The following PIP4P2 variants were observed in gnomAD, a reference collection of about 807,000 sequenced individuals.
The protein encoded by PIP4P2 is phosphatidylinositol-4,5-bisphosphate 4-phosphatase 2, also known as type 2 phosphatidylinositol 4,5-bisphosphate 4-phosphatase.
In PIP4P2, 19 loss-of-function variants were observed where a neutral mutation model predicts 33.3. The observed-to-expected ratio is 0.57, with a 90% CI of 0.40 to 0.84. PIP4P2 has a LOEUF of 0.84. Among genes scored for constraint, PIP4P2 ranks in the 40% least tolerant of loss-of-function variants. The pLI, the probability that PIP4P2 is intolerant of heterozygous loss-of-function variation, is 0.00. For missense variants in PIP4P2, 270 were observed against 324.7 expected (o/e 0.83, Z 1.29); for synonymous variants, 110 against 111.9 (o/e 0.98, Z 0.11).
At chr8:91,034,550 C>A (rs537198704) in intron 1 of PIP4P2, among the ~76,000 whole-genome samples, 6 of 152,298 alleles carry the variant, frequency 3.9e-5, no homozygotes, top group African/African-American at 1.4e-4. Flanking sequence ...ATTAGCATAG[C>A]ACAATAGGCT....
intron 1 of PIP4P2, among the ~76,000 whole-genome samples, chr8:91,036,525 C>CA (rs1812234241): frequency 6.6e-6 from 1 of 152,036 alleles, no homozygotes; most frequent in African/African-American, 2.4e-5. Flanking sequence ...CTGTTCAATC[C>CA]ACCTCCTTAA....
chr8:91,026,668 G>A (rs1812087820), intron 1 of PIP4P2, among the ~76,000 whole-genome samples: 1 of 151,978 alleles, frequency 6.6e-6, no homozygotes, highest in Non-Finnish European at 1.5e-5. Flanking sequence ...TCCATTTTGT[G>A]GTTTCTATCT....
intron 5 of PIP4P2, among the ~76,000 whole-genome samples, chr8:90,997,937 T>A (rs1811650625): frequency 6.6e-6 from 1 of 152,116 alleles, no homozygotes; most frequent in Admixed American, 6.6e-5. Flanking sequence ...ATATACATCG[T>A]AAATTTTCCT....
intron 1 of PIP4P2, among the ~76,000 whole-genome samples, chr8:91,033,450 AC>A (rs893260528): frequency 6.6e-6 from 1 of 151,988 alleles, no homozygotes; most frequent in Non-Finnish European, 1.5e-5. Context: ...CCTGACACCA[AC>A]CACACCTCAG....
intron 4 of PIP4P2, among the ~76,000 whole-genome samples, chr8:91,011,511 G>A (rs1176535116): frequency 6.6e-6 from 1 of 152,028 alleles, no homozygotes; most frequent in Admixed American, 6.6e-5. Context: ...GGTAAAAAAT[G>A]TTTGGACATA....
At chr8:91,002,320 T>A (rs1031795547) in intron 5 of PIP4P2, among the ~76,000 whole-genome samples, 11 of 152,158 alleles carry the variant, frequency 7.2e-5, no homozygotes, top group African/African-American at 2.7e-4. Flanking sequence ...CAAGGGCATA[T>A]ACAAAAATGT....
At chr8:91,037,207 A>G (rs1360662793) in intron 1 of PIP4P2, among the ~76,000 whole-genome samples, 2 of 152,156 alleles carry the variant, frequency 1.3e-5, no homozygotes, top group African/African-American at 2.4e-5. Context: ...GGGGAAAGAG[A>G]GTCTTCGGAG....
chr8:91,022,733 C>T (rs1454227357), intron 1 of PIP4P2, among the ~76,000 whole-genome samples: 1 of 152,128 alleles, frequency 6.6e-6, no homozygotes, highest in Non-Finnish European at 1.5e-5. Flanking sequence ...GTTTAAAATA[C>T]ACATATTTCT....
chr8:91,004,186 G>T (rs1211973297), intron 5 of PIP4P2, among the ~76,000 whole-genome samples: 1 of 152,174 alleles, frequency 6.6e-6, no homozygotes, highest in Non-Finnish European at 1.5e-5. Context: ...GTCTGAGGAG[G>T]AAGGTCTGCG....
intron 5 of PIP4P2, among the ~76,000 whole-genome samples, chr8:91,006,829 C>T (rs375454024): frequency 1.2e-4 from 19 of 152,174 alleles, no homozygotes; most frequent in South Asian, 4.2e-4. Flanking sequence ...ATTAGCCAGG[C>T]GTGGTGGCGT....
At chr8:91,023,568 C>CAA (rs150852197) in intron 1 of PIP4P2, among the ~76,000 whole-genome samples, 1 of 141,948 alleles carries the variant, frequency 7.0e-6, no homozygotes, top group Non-Finnish European at 1.6e-5. Flanking sequence ...TTTAATCTGC[C>CAA]AAAAAAAAAA....
intron 4 of PIP4P2, among the ~76,000 whole-genome samples, chr8:91,009,941 A>C (rs548088542): frequency 6.8e-4 from 103 of 152,022 alleles, no homozygotes; most frequent in African/African-American, 2.4e-3. Flanking sequence ...CTTTACATGA[A>C]TGTTCACTCT....
At chr8:91,016,534 G>T (rs545274044) in intron 4 of PIP4P2, 2 of 152,148 alleles carry the variant, frequency 1.3e-5, no homozygotes, top group Non-Finnish European at 2.9e-5. Context: ...TCTGAAAGGT[G>T]ACAACTGGCA....
intron 4 of PIP4P2, among the ~76,000 whole-genome samples, chr8:91,009,952 C>G (rs1370705586): frequency 1.3e-5 from 2 of 151,822 alleles, no homozygotes; most frequent in East Asian, 3.8e-4. Flanking sequence ...TGTTCACTCT[C>G]TTTACAAAAT....
rs3084284 is a variant in PIP4P2, at chr8:91,011,019, GAGATAGATAGAT to G, written c.487-2236_487-2225del. On this transcript the variant is annotated intron_variant, in intron 4 of 6. Coordinates refer to ENST00000285419, the MANE Select transcript of PIP4P2 (RefSeq NM_018710.3). ...TAATTTAATTTTATAGTATCTTACT[GAGATAGATAGAT>G]AGATAGATAGATAGATAGATAGATA... is the stretch of plus-strand genomic sequence containing the variant. Among the ~76,000 whole-genome samples, 918 of 145,330 alleles carry G rather than the reference GAGATAGATAGAT, an allele frequency of 6.3e-3. 6 individuals carry two copies. Among genetic ancestry groups the G allele is most frequent in the Admixed American group, 0.011 (155 of 14,466 alleles).
chr8:91,011,949 T>G (rs1289878745), intron 4 of PIP4P2, among the ~76,000 whole-genome samples: 1 of 151,974 alleles, frequency 6.6e-6, no homozygotes, highest in Non-Finnish European at 1.5e-5. Flanking sequence ...TTTTTAAGTA[T>G]AAATTTTTTA....
intron 4 of PIP4P2, chr8:91,016,857 C>T (rs1481692967): frequency 1.3e-5 from 2 of 152,084 alleles, no homozygotes; most frequent in East Asian, 3.9e-4. Flanking sequence ...TAGTTCTACA[C>T]AAGAATATGA....
At chr8:91,030,181 A>G (rs1198651189) in intron 1 of PIP4P2, among the ~76,000 whole-genome samples, 1 of 150,902 alleles carries the variant, frequency 6.6e-6, no homozygotes, top group African/African-American at 2.4e-5. Flanking sequence ...GCCATTGCAC[A>G]ACAGACTGGG....
chr8:91,037,029 A>G (rs1812240307), intron 1 of PIP4P2, among the ~76,000 whole-genome samples: 2 of 152,212 alleles, frequency 1.3e-5, no homozygotes, highest in South Asian at 2.1e-4. Flanking sequence ...CTTTCCCCAG[A>G]GTGTACTTTA....
Sources: gnomAD v4.1 joint callset for allele counts (sites outside exome capture counted in the v4.1 genomes callset) on GRCh38, gnomAD v4.1.1 for gene constraint, MANE v1.5 for transcripts, NCBI Gene and HGNC (gene_info 2026-07-23, HGNC 2026-07-21) for gene names.